Variants in AIG1 observed in about 807,000 individuals in gnomAD.
AIG1 encodes androgen induced 1, also known as androgen-induced gene 1 protein.
A neutral mutation model predicts 31.4 loss-of-function variants in AIG1; 23 were observed. The ratio of observed to expected loss-of-function variants is 0.73; its 90% CI spans 0.53 to 1.04. The LOEUF is 1.04. Ranked by LOEUF, AIG1 falls within the 50% of genes least tolerant of loss-of-function variation. The pLI, the probability that AIG1 is intolerant of heterozygous loss-of-function variation, is 0.00. For missense variants in AIG1, 274 were observed against 295.0 expected (o/e 0.93, Z 0.52); for synonymous variants, 100 against 110.5 (o/e 0.90, Z 0.60).
At chr6:143,267,102 A>G (rs1796209373) in intron 3 of AIG1, among the ~76,000 whole-genome samples, 1 of 152,006 alleles carries the variant, frequency 6.6e-6, no homozygotes, top group East Asian at 1.9e-4. Context: ...TCTCCTCCTC[A>G]TGGACTTAAA....
chr6:143,086,918 C>T (rs1450214835), intron 1 of AIG1, among the ~76,000 whole-genome samples: 1 of 152,204 alleles, frequency 6.6e-6, no homozygotes, highest in Non-Finnish European at 1.5e-5. Context: ...GACGACAGCT[C>T]TCTGCCTCTA....
chr6:143,201,860 A>C (rs1790723491), intron 3 of AIG1, among the ~76,000 whole-genome samples: 1 of 152,196 alleles, frequency 6.6e-6, no homozygotes, highest in Admixed American at 6.5e-5. Flanking sequence ...CCACCTCAGG[A>C]ACTAGCAAGT....
intron 1 of AIG1, among the ~76,000 whole-genome samples, chr6:143,095,029 G>A (rs1779627017): frequency 6.6e-6 from 1 of 152,078 alleles, no homozygotes; most frequent in South Asian, 2.1e-4. Context: ...CTCTAAAAAT[G>A]CAATGGCAAA....
chr6:143,187,334 C>A, intron 3 of AIG1: 1 of 1,409,776 alleles, frequency 7.1e-7, no homozygotes, highest in Non-Finnish European at 9.7e-7. Flanking sequence ...ACTAATCAGA[C>A]CACAGATATT....
intron 3 of AIG1, among the ~76,000 whole-genome samples, chr6:143,176,208 G>A (rs898527331): frequency 4.6e-5 from 7 of 152,210 alleles, no homozygotes; most frequent in African/African-American, 1.7e-4. Context: ...GGTGGAGGTA[G>A]CAGGGAAGAG....
intron 3 of AIG1, chr6:143,189,183 A>G: frequency 2.4e-6 from 1 of 423,400 alleles, no homozygotes. Context: ...AGCTGGGACC[A>G]CAGATGTGGA....
chr6:143,158,105 T>C (rs1343250499), intron 2 of AIG1, among the ~76,000 whole-genome samples: 2 of 152,188 alleles, frequency 1.3e-5, no homozygotes, highest in East Asian at 3.8e-4. Context: ...AGCTCATTTT[T>C]ATCACAGCTC....
At chr6:143,101,660 G>A (rs549115202) in intron 1 of AIG1, among the ~76,000 whole-genome samples, 95 of 152,208 alleles carry the variant, frequency 6.2e-4, no homozygotes, top group African/African-American at 2.2e-3. Context: ...TAGGGGGAAA[G>A]GGTAGGAAGT....
chr6:143,213,036 CT>C (rs1791711998), intron 3 of AIG1, among the ~76,000 whole-genome samples: 1 of 152,204 alleles, frequency 6.6e-6, no homozygotes, highest in Non-Finnish European at 1.5e-5. Context: ...GATCCTCAAT[CT>C]TAACAAATAT....
chr6:143,233,917 A>AT (rs1261002209), intron 3 of AIG1, among the ~76,000 whole-genome samples: 1 of 152,118 alleles, frequency 6.6e-6, no homozygotes, highest in Non-Finnish European at 1.5e-5. Flanking sequence ...AATAATTGTT[A>AT]TTTTTTTCTC....
chr6:143,062,442 A>G (rs1776339767), intron 1 of AIG1, among the ~76,000 whole-genome samples: 1 of 152,168 alleles, frequency 6.6e-6, no homozygotes. Context: ...GCCCGTGACA[A>G]GACTCTGAGG....
chr6:143,205,037 GAC>G (rs1446799706), intron 3 of AIG1, among the ~76,000 whole-genome samples: 1 of 152,194 alleles, frequency 6.6e-6, no homozygotes, highest in African/African-American at 2.4e-5. Context: ...TCTGTCTGAA[GAC>G]ACTGTCTGCA....
chr6:143,140,683 C>T (rs1161514619), intron 2 of AIG1, among the ~76,000 whole-genome samples: 1 of 152,164 alleles, frequency 6.6e-6, no homozygotes, highest in Non-Finnish European at 1.5e-5. Flanking sequence ...GATGGAAGAG[C>T]ATTAATGGCC....
rs531453494 is a variant in AIG1 at position 143,232,256 on chromosome 6, G to T, written c.400-51854G>T. Among the ~76,000 whole-genome samples the T allele has an allele frequency of 1.1e-4, 17 of 152,272 alleles. 1 individual carries two copies. In the South Asian group the frequency reaches 3.5e-3, roughly 32 times the overall value. On this transcript the variant is annotated intron_variant, in intron 3 of 5. Coordinates refer to ENST00000357847, the MANE Select transcript of AIG1 (RefSeq NM_016108.4). ...CCCTTCTGAATTAGCAGTGTTTCCT[G>T]AGTTTTTAATTCTACTCCAGAACTT...
At chr6:143,229,856 T>C (rs747798825) in intron 3 of AIG1, among the ~76,000 whole-genome samples, 9 of 151,520 alleles carry the variant, frequency 5.9e-5, no homozygotes, top group Non-Finnish European at 1.3e-4. Flanking sequence ...GTGGTACTAT[T>C]TCATATGCAA....
intron 2 of AIG1, among the ~76,000 whole-genome samples, chr6:143,154,008 T>G (rs1785486271): frequency 6.6e-6 from 1 of 151,634 alleles, no homozygotes; most frequent in Non-Finnish European, 1.5e-5. Flanking sequence ...CCCAGCACTT[T>G]GGGAGGCCAA....
At chr6:143,081,288 TG>T (rs777139460) in intron 1 of AIG1, among the ~76,000 whole-genome samples, 2 of 152,156 alleles carry the variant, frequency 1.3e-5, no homozygotes, top group African/African-American at 2.4e-5. Context: ...ACCTAACGCC[TG>T]GGATACTCCC....
intron 1 of AIG1, among the ~76,000 whole-genome samples, chr6:143,118,868 CTT>C (rs1272273294): frequency 2.1e-4 from 29 of 135,008 alleles, no homozygotes; most frequent in Admixed American, 2.2e-4. Flanking sequence ...AAAGAATTTT[CTT>C]TTTTTTTTTT....
At chr6:143,162,527 A>G (rs1786479625) in intron 2 of AIG1, among the ~76,000 whole-genome samples, 1 of 152,206 alleles carries the variant, frequency 6.6e-6, no homozygotes, top group African/African-American at 2.4e-5. Flanking sequence ...CTGCTGCACC[A>G]GTGTGTACAA....
Sources: allele counts gnomAD v4.1 joint callset (sites outside exome capture counted in the v4.1 genomes callset), GRCh38; gene constraint gnomAD v4.1.1; transcripts MANE v1.5; gene names NCBI Gene and HGNC (gene_info 2026-07-23, HGNC 2026-07-21).